Variants in AFF3 observed in about 807,000 individuals in gnomAD.
AFF3 encodes AF4/FMR2 family member 3.
A neutral mutation model predicts 129.7 loss-of-function variants in AFF3; 32 were observed. The ratio of observed to expected loss-of-function variants is 0.25; its 90% CI spans 0.19 to 0.33. The LOEUF (loss-of-function observed/expected upper bound fraction) is 0.33. Among genes scored for constraint, AFF3 ranks in the 10% least tolerant of loss-of-function variants. The pLI, the probability that AFF3 is intolerant of heterozygous loss-of-function variation, is 1.00. For synonymous variants in AFF3, 644 were observed against 635.4 expected (o/e 1.01, Z -0.20); for missense variants, 1,373 against 1,592.0 (o/e 0.86, Z 2.34).
intron 4 of AFF3, among the ~76,000 whole-genome samples, chr2:100,101,742 A>C (rs1165555443): frequency 6.6e-6 from 1 of 152,036 alleles, no homozygotes; most frequent in East Asian, 1.9e-4. Flanking sequence ...TTGAAGTCAG[A>C]TCACTGGGCT....
At chr2:99,649,691 G>A (rs1685054050) in intron 12 of AFF3, 25 bp from the exon 13 acceptor site, 2 of 1,613,116 alleles carry the variant, frequency 1.2e-6, no homozygotes, top group East Asian at 2.2e-5. Context: ...GGGCAGAGAT[G>A]TTTATTTAAT....
intron 10 of AFF3, among the ~76,000 whole-genome samples, chr2:99,732,857 G>A (rs1679944514): frequency 6.6e-6 from 1 of 151,888 alleles, no homozygotes; most frequent in Non-Finnish European, 1.5e-5. Flanking sequence ...CACTTGTTAT[G>A]ATCAAGGTTT....
At chr2:100,051,229 T>C (rs1686303250) in intron 4 of AFF3, among the ~76,000 whole-genome samples, 1 of 152,112 alleles carries the variant, frequency 6.6e-6, no homozygotes. Flanking sequence ...ACCCCAGCCC[T>C]GGATGAAACC....
At chr2:99,617,872 T>C (rs573938309) in intron 13 of AFF3, among the ~76,000 whole-genome samples, 27 of 152,304 alleles carry the variant, frequency 1.8e-4, no homozygotes, top group Non-Finnish European at 3.2e-4. Flanking sequence ...TGACTCACTC[T>C]AGGTTGCATA....
Position 99,617,926 on chromosome 2 carries a change from C to T in AFF3, c.1185-16305G>A, listed in dbSNP as rs1245901635. 3.9e-5 allele frequency among the ~76,000 whole-genome samples: 6 copies of T among 152,228 alleles called. No individual in the cohort carries two copies. The East Asian group carries it at 1.2e-3, about 29-fold the overall frequency. ...GAGGTTGAAGCCCAGATCTCGGGCT[C>T]CTAATACTACCCTGTGTTCTCTCAG... On this transcript the variant is annotated intron_variant, in intron 13 of 24. Coordinates refer to ENST00000672756, the MANE Select transcript of AFF3 (RefSeq NM_001386135.1).
At chr2:99,569,111 C>T (rs919179083) in intron 18 of AFF3, among the ~76,000 whole-genome samples, 196 bp from the exon 19 acceptor site, 4 of 152,114 alleles carry the variant, frequency 2.6e-5, no homozygotes, top group Admixed American at 6.5e-5. Flanking sequence ...GTTAGCAATT[C>T]GAAACACACT....
chr2:99,564,058 C>T (rs1575364510), intron 20 of AFF3, among the ~76,000 whole-genome samples: 2 of 152,248 alleles, frequency 1.3e-5, no homozygotes, highest in Admixed American at 1.3e-4. Context: ...GTTTGATTTT[C>T]AAGTGTGAAT....
At chr2:99,937,493 G>A (rs1674626495) in intron 7 of AFF3, among the ~76,000 whole-genome samples, 1 of 152,152 alleles carries the variant, frequency 6.6e-6, no homozygotes, top group Non-Finnish European at 1.5e-5. Flanking sequence ...ACGCCTCCCA[G>A]GTTCAAGCGA....
At chr2:99,844,333 T>C (rs1284553900) in intron 7 of AFF3, among the ~76,000 whole-genome samples, 1 of 152,124 alleles carries the variant, frequency 6.6e-6, no homozygotes. Context: ...TTATCACCTC[T>C]ATTTGGCTCT....
chr2:100,116,852 C>T (rs1416982891), intron 2 of AFF3, among the ~76,000 whole-genome samples: 2 of 152,034 alleles, frequency 1.3e-5, no homozygotes, highest in Non-Finnish European at 2.9e-5. Flanking sequence ...GTGAACAATT[C>T]TCTGTTTCTT....
At chr2:100,006,592 A>T (rs777181291) in intron 7 of AFF3, 40 bp downstream of exon 7, 3 of 1,546,728 alleles carry the variant, frequency 1.9e-6, no homozygotes, top group Non-Finnish European at 2.6e-6. Context: ...GTCACTTGTA[A>T]CTATGCAGTT....
At chr2:99,657,639 C>T (rs765143793) in intron 12 of AFF3, among the ~76,000 whole-genome samples, 8 of 152,116 alleles carry the variant, frequency 5.3e-5, no homozygotes, top group Non-Finnish European at 8.8e-5. Context: ...TATTATTTCC[C>T]TATTTGCTTT....
intron 7 of AFF3, among the ~76,000 whole-genome samples, chr2:99,968,664 G>A (rs2104402188): frequency 6.6e-6 from 1 of 152,184 alleles, no homozygotes; most frequent in East Asian, 1.9e-4. Flanking sequence ...CAAGGAGCAG[G>A]AGTGCCATCA....
chr2:100,120,930 T>A (rs777915172), intron 2 of AFF3, among the ~76,000 whole-genome samples: 9 of 152,178 alleles, frequency 5.9e-5, no homozygotes, highest in Non-Finnish European at 1.3e-4. Flanking sequence ...TGAGTCACCA[T>A]GCCTGGCCAC....
rs899833534 is a variant in AFF3, at chr2:99,584,862, A to G, written c.2592-1863T>C. Among the ~76,000 whole-genome samples, 5 of 152,246 alleles carry G rather than the reference A, an allele frequency of 3.3e-5. No homozygotes were observed. In the South Asian group the frequency reaches 6.2e-4, roughly 19 times the overall value. ...TGGTTATCACCGCAAAGAAGCCACT[A>G]AAGTCACTTCGAAAAGCAATTTCCT... On this transcript the variant is annotated intron_variant, in intron 16 of 24. Transcript: ENST00000672756.
rs745596477 is a variant in AFF3, at chr2:99,631,126, C to T, written c.1184+18500G>A. ...GGGAGTGCCTGGACGTGTGATCCTT[C>T]CCCTCGGCCGCCAAAGTCCCAGGAC... On this transcript the variant is annotated intron_variant, in intron 13 of 24. Coordinates refer to ENST00000672756, the MANE Select transcript of AFF3 (RefSeq NM_001386135.1). The T allele has an allele frequency of 9.2e-5, 25 of 272,408 alleles. 1 individual carries two copies. In the Middle Eastern group the frequency reaches 4.1e-3, roughly 45 times the overall value. 16.9% of individuals were successfully genotyped at this position (272,408 alleles called of 1,614,324 possible).
chr2:100,069,703 C>T (rs532014788), intron 4 of AFF3, among the ~76,000 whole-genome samples: 19 of 152,162 alleles, frequency 1.2e-4, no homozygotes, highest in East Asian at 1.9e-4. Context: ...AAATTTGATA[C>T]GATATAACTT....
chr2:99,596,093 C>T (rs572008303), intron 14 of AFF3, among the ~76,000 whole-genome samples: 36 of 152,180 alleles, frequency 2.4e-4, no homozygotes, highest in Non-Finnish European at 4.3e-4. Context: ...TGGTCTTTGA[C>T]GTGACATTTT....
chr2:99,760,940 T>A (rs1682524869), intron 8 of AFF3, among the ~76,000 whole-genome samples: 1 of 151,986 alleles, frequency 6.6e-6, no homozygotes, highest in Non-Finnish European at 1.5e-5. Flanking sequence ...TTCCTTTTTT[T>A]TTTTGAGATA....
Sources: allele counts gnomAD v4.1 joint callset (sites outside exome capture counted in the v4.1 genomes callset), GRCh38; gene constraint gnomAD v4.1.1; transcripts MANE v1.5; gene names NCBI Gene and HGNC (gene_info 2026-07-23, HGNC 2026-07-21).